PRKAG2: variants seen among roughly 807,000 people sequenced by gnomAD.
The protein encoded by PRKAG2 is 5'-AMP-activated protein kinase subunit gamma-2.
A neutral mutation model predicts 69.6 loss-of-function variants in PRKAG2; 26 were observed. The observed-to-expected ratio is 0.37, with a 90% CI of 0.27 to 0.52. PRKAG2 has a LOEUF of 0.52. Among genes scored for constraint, PRKAG2 ranks in the 20% least tolerant of loss-of-function variants. The pLI, the probability that PRKAG2 is intolerant of heterozygous loss-of-function variation, is 0.90. For synonymous variants in PRKAG2, 293 were observed against 285.0 expected, an observed-to-expected ratio of 1.03 and a Z score of -0.28; for missense variants, 557 against 740.0, an observed-to-expected ratio of 0.75 and a Z score of 2.87.
At chr7:151,720,596 C>G (rs1313961163) in intron 3 of PRKAG2, among the ~76,000 whole-genome samples, 1 of 146,392 alleles carries the variant, frequency 6.8e-6, no homozygotes, top group Non-Finnish European at 1.5e-5. Flanking sequence ...ATGCAGGGCT[C>G]CAGAGCCCGT....
chr7:151,631,471 C>A (rs1211244776), intron 5 of PRKAG2, among the ~76,000 whole-genome samples: 2 of 151,972 alleles, frequency 1.3e-5, no homozygotes, highest in Non-Finnish European at 1.5e-5. Context: ...AGTTATTTAC[C>A]TGTAAGATAC....
intron 3 of PRKAG2, among the ~76,000 whole-genome samples, chr7:151,714,075 C>T (rs576959908): frequency 6.6e-5 from 10 of 152,176 alleles, no homozygotes; most frequent in Admixed American, 6.5e-4. Flanking sequence ...TTAGATAACT[C>T]GGGCTGGGGT....
chr7:151,849,609 C>A (rs2079523341), intron 1 of PRKAG2, among the ~76,000 whole-genome samples: 1 of 152,158 alleles, frequency 6.6e-6, no homozygotes, highest in Non-Finnish European at 1.5e-5. Flanking sequence ...GTGGGCAGGG[C>A]CGCGCCCTCT....
At chr7:151,666,998 T>G (rs1000190592) in intron 4 of PRKAG2, among the ~76,000 whole-genome samples, 1 of 152,158 alleles carries the variant, frequency 6.6e-6, no homozygotes, top group Admixed American at 6.5e-5. Flanking sequence ...CCTTCAACTA[T>G]TAGCCGGGAT....
intron 5 of PRKAG2, among the ~76,000 whole-genome samples, chr7:151,609,885 G>A (rs1176335457): frequency 6.6e-6 from 1 of 152,164 alleles, no homozygotes; most frequent in African/African-American, 2.4e-5. Context: ...CCCACCATTT[G>A]GGGCTCCCTC....
intron 3 of PRKAG2, among the ~76,000 whole-genome samples, chr7:151,775,852 C>T (rs1171325629): frequency 6.6e-6 from 1 of 152,164 alleles, no homozygotes; most frequent in Non-Finnish European, 1.5e-5. Flanking sequence ...GGGCCGATGG[C>T]ATTACTCACA....
chr7:151,566,272 C>T (rs1388277142), intron 11 of PRKAG2, among the ~76,000 whole-genome samples: 2 of 152,138 alleles, frequency 1.3e-5, no homozygotes, highest in African/African-American at 4.8e-5. Context: ...GTCCTGCTGT[C>T]AGGATTAAGT....
intron 1 of PRKAG2, among the ~76,000 whole-genome samples, chr7:151,870,098 GA>G (rs1226855113): frequency 6.9e-6 from 1 of 145,394 alleles, no homozygotes; most frequent in Non-Finnish European, 1.5e-5. Flanking sequence ...AATGACAGCT[GA>G]AAAGGTGCAG....
intron 14 of PRKAG2, among the ~76,000 whole-genome samples, chr7:151,563,483 A>G (rs540917942): frequency 6.6e-6 from 1 of 152,368 alleles, no homozygotes; most frequent in African/African-American, 2.4e-5. Flanking sequence ...TAAAATATAT[A>G]TTACGCACTT....
chr7:151,672,010 T>C (rs2151464769), intron 4 of PRKAG2, among the ~76,000 whole-genome samples: 1 of 152,232 alleles, frequency 6.6e-6, no homozygotes, highest in African/African-American at 2.4e-5. Context: ...TACATAAAAG[T>C]TACCATTTGA....
intron 3 of PRKAG2, among the ~76,000 whole-genome samples, chr7:151,741,797 C>A (rs558430496): frequency 6.6e-6 from 1 of 152,198 alleles, no homozygotes; most frequent in East Asian, 1.9e-4. Flanking sequence ...TTTAAATGGT[C>A]ATTCATTCAA....
chr7:151,574,830 C>G, intron 8 of PRKAG2, 61 bp downstream of exon 8: 1 of 1,609,520 alleles, frequency 6.2e-7, no homozygotes, highest in Non-Finnish European at 8.5e-7. Flanking sequence ...ACACATATAC[C>G]TACACACATA....
At position 151,719,065 on chromosome 7, in the gene PRKAG2, C is replaced by T. The variant is rs890085799; in HGVS notation, c.467-43428G>A. 2.0e-5 allele frequency among the ~76,000 whole-genome samples: 3 copies of T among 152,156 alleles called. No homozygotes were observed. The highest frequency in any genetic ancestry group is 4.4e-5 in the Non-Finnish European group (3 of 68,022). ...CATTAAGCCCCTGATAAGTACAAGGCCCCGAACTCAGGGAAATGGAGGGGA... is the reference window on the plus strand; with the variant it reads ...CATTAAGCCCCTGATAAGTACAAGGTCCCGAACTCAGGGAAATGGAGGGGA... On this transcript the variant is annotated intron_variant, in intron 3 of 15. Coordinates refer to ENST00000287878, the MANE Select transcript of PRKAG2 (RefSeq NM_016203.4). This position sits in a 1 kb window ranked among gnomAD's most constrained non-coding sequence, Gnocchi z 5.2.
At chr7:151,670,177 C>T (rs1831784899) in intron 4 of PRKAG2, among the ~76,000 whole-genome samples, 1 of 152,202 alleles carries the variant, frequency 6.6e-6, no homozygotes, top group African/African-American at 2.4e-5. Context: ...CATACACCCA[C>T]ACACATGCAC....
intron 3 of PRKAG2, among the ~76,000 whole-genome samples, chr7:151,778,400 C>T (rs1451370900): frequency 1.3e-5 from 2 of 152,206 alleles, no homozygotes; most frequent in South Asian, 2.1e-4. Context: ...TGGCACCATG[C>T]CTCTGTGCAG....
intron 5 of PRKAG2, among the ~76,000 whole-genome samples, chr7:151,625,162 G>A (rs1484057786): frequency 2.6e-5 from 4 of 152,314 alleles, no homozygotes; most frequent in African/African-American, 9.6e-5. Flanking sequence ...GAGGGATCAT[G>A]AGATAGCATG....
chr7:151,873,641 C>T (rs901044163), intron 1 of PRKAG2, among the ~76,000 whole-genome samples: 2 of 152,182 alleles, frequency 1.3e-5, no homozygotes, highest in South Asian at 2.1e-4. Flanking sequence ...ACTACTTTCG[C>T]GGTGGGCTGG....
chr7:151,860,416 C>G (rs1200047096), intron 1 of PRKAG2, among the ~76,000 whole-genome samples: 1 of 152,206 alleles, frequency 6.6e-6, no homozygotes, highest in Non-Finnish European at 1.5e-5. Context: ...TCCCTGGCAT[C>G]CACGCCTGTA....
intron 6 of PRKAG2, among the ~76,000 whole-genome samples, chr7:151,577,069 G>A (rs1260108292): frequency 6.6e-6 from 1 of 151,618 alleles, no homozygotes; most frequent in Non-Finnish European, 1.5e-5. Context: ...TTAAACTTCA[G>A]GGTCTAATAT....
Sources: gnomAD v4.1 joint callset for allele counts (sites outside exome capture counted in the v4.1 genomes callset) on GRCh38, gnomAD v4.1.1 for gene constraint, Gnocchi (gnomAD v3.1) non-coding constraint, MANE v1.5 for transcripts, NCBI Gene and HGNC (gene_info 2026-07-23, HGNC 2026-07-21) for gene names.